THSD7A: variants seen among roughly 807,000 people sequenced by gnomAD.
THSD7A encodes thrombospondin type-1 domain-containing protein 7A.
A neutral mutation model predicts 231.3 loss-of-function variants in THSD7A; 96 were observed. The observed-to-expected ratio is 0.41, with a 90% CI of 0.35 to 0.49. The LOEUF is 0.49. THSD7A is among the 20% of genes least tolerant of loss of function. The pLI is 0.05. For missense variants in THSD7A, 2,290 were observed against 2,070.2 expected (o/e 1.11, Z -2.06); for synonymous variants, 940 against 743.3 (o/e 1.26, Z -4.30).
rs1361259619 is a variant in THSD7A at position 11,543,102 on chromosome 7, T to A, written c.1469A>T (p.Asp490Val). The change falls in exon 5 of 28, where the codon GAC (aspartate) becomes GTC (valine). Residue 490 changes from aspartate (D) to valine (V), a missense_variant. Transcript: ENST00000423059. ...GATAGGTCCAGTGCATAATTTTAAG[T>A]CCATTGGCTTTGAGGCTAGAGAAAA... is the stretch of plus-strand genomic sequence containing the variant. ...HKNKEASKPMDLKLCTGPIPN... is the reference protein window; with the variant it reads ...HKNKEASKPMVLKLCTGPIPN... 1 of 1,611,460 alleles carries A rather than the reference T, an allele frequency of 6.2e-7. No homozygotes were observed. Among genetic ancestry groups the A allele is most frequent in the Admixed American group, 1.7e-5 (1 of 59,606 alleles).
intron 4 of THSD7A, among the ~76,000 whole-genome samples, chr7:11,575,130 A>T (rs1790835366): frequency 6.6e-6 from 1 of 152,246 alleles, no homozygotes; most frequent in African/African-American, 2.4e-5. Context: ...AGTGTCTCAC[A>T]TATAGTAATC....
At chr7:11,408,517 T>A (rs1583685790) in intron 19 of THSD7A, among the ~76,000 whole-genome samples, 2 of 141,344 alleles carry the variant, frequency 1.4e-5, no homozygotes, top group African/African-American at 2.7e-5. Flanking sequence ...AAAAAAAAAA[T>A]GAAAAGAAAG....
chr7:11,536,828 T>C (rs1233245997), intron 6 of THSD7A, among the ~76,000 whole-genome samples: 1 of 150,282 alleles, frequency 6.7e-6, no homozygotes, highest in African/African-American at 2.5e-5. Context: ...ACTTCTCTTT[T>C]TCTATTCCTG....
At chr7:11,436,656 G>T (rs1215690345) in intron 13 of THSD7A, among the ~76,000 whole-genome samples, 1 of 151,142 alleles carries the variant, frequency 6.6e-6, no homozygotes, top group Non-Finnish European at 1.5e-5. Context: ...GAAACATTCG[G>T]AATTTAAGAT....
chr7:11,789,040 G>C (rs1783873596), intron 1 of THSD7A, among the ~76,000 whole-genome samples: 1 of 151,880 alleles, frequency 6.6e-6, no homozygotes, highest in South Asian at 2.1e-4. Flanking sequence ...GGATAAGAAG[G>C]CAATTAGATT....
At chr7:11,617,522 T>G (rs1781148337) in intron 2 of THSD7A, among the ~76,000 whole-genome samples, 1 of 152,230 alleles carries the variant, frequency 6.6e-6, no homozygotes, top group Admixed American at 6.5e-5. Flanking sequence ...AAATTTTAAC[T>G]ATATTACATG....
intron 18 of THSD7A, 140 bp downstream of exon 18, chr7:11,412,516 A>G: frequency 1.0e-6 from 1 of 989,394 alleles, no homozygotes; most frequent in Non-Finnish European, 1.4e-6. Flanking sequence ...CTGTCATTTA[A>G]TATGTAATTA....
intron 1 of THSD7A, among the ~76,000 whole-genome samples, chr7:11,654,724 T>C (rs2128370268): frequency 6.6e-6 from 1 of 152,060 alleles, no homozygotes; most frequent in East Asian, 1.9e-4. Context: ...AGACACATCA[T>C]TAGTCTTTTT....
intron 2 of THSD7A, among the ~76,000 whole-genome samples, chr7:11,606,480 T>A (rs553936098): frequency 2.0e-5 from 3 of 152,150 alleles, no homozygotes; most frequent in Non-Finnish European, 2.9e-5. Flanking sequence ...TGTGATAAGC[T>A]TGTATGACTT....
intron 11 of THSD7A, among the ~76,000 whole-genome samples, chr7:11,459,104 C>T (rs1299620887): frequency 1.3e-5 from 2 of 152,026 alleles, no homozygotes; most frequent in African/African-American, 4.8e-5. Context: ...ATCTGCTTTA[C>T]CTAATTTTAT....
chr7:11,375,722 C>T lies in THSD7A; in HGVS notation c.*72G>A. 8.2e-7 allele frequency: 1 copy of T among 1,218,168 alleles called. No individual in the cohort carries two copies. The highest frequency in any genetic ancestry group is 1.2e-6 in the Non-Finnish European group (1 of 833,944). The allele number at this position is 1,218,168 out of a possible 1,614,324, so 75.5% of individuals were successfully genotyped here. On this transcript the variant is annotated 3_prime_UTR_variant, in exon 28 of 28. Coordinates refer to ENST00000423059, the MANE Select transcript of THSD7A (RefSeq NM_015204.3). ...TATTTTAATCCACACAGTTTGGATA[C>T]ATTTGTTGTGGCCTCTGGACATCTA...
intron 9 of THSD7A, among the ~76,000 whole-genome samples, chr7:11,467,514 C>T (rs756536669): frequency 1.3e-5 from 2 of 152,058 alleles, no homozygotes; most frequent in Non-Finnish European, 2.9e-5. Flanking sequence ...TACATATATA[C>T]ACAAATAAGT....
chr7:11,489,597 A>C (rs1309578637), intron 6 of THSD7A, among the ~76,000 whole-genome samples: 4 of 152,046 alleles, frequency 2.6e-5, no homozygotes, highest in African/African-American at 9.7e-5. Flanking sequence ...TATAGGCATT[A>C]ATTGGCAAAC....
intron 2 of THSD7A, among the ~76,000 whole-genome samples, chr7:11,622,525 T>C (rs550788935): frequency 3.9e-5 from 6 of 152,180 alleles, no homozygotes; most frequent in Non-Finnish European, 8.8e-5. Context: ...CTGACTTTAA[T>C]CCAGGCCATC....
chr7:11,678,131 G>A (rs1238679761), intron 1 of THSD7A, among the ~76,000 whole-genome samples: 1 of 152,110 alleles, frequency 6.6e-6, no homozygotes, highest in Non-Finnish European at 1.5e-5. Flanking sequence ...AAATAAATAT[G>A]TTCTTTGAAA....
Position 11,377,977 on chromosome 7 carries a change from G to A in THSD7A, c.4801+1093C>T, listed in dbSNP as rs751451426. 5 of 151,918 alleles carry A rather than the reference G, an allele frequency of 3.3e-5. No individual in the cohort carries two copies. Among genetic ancestry groups the A allele is most frequent in the Admixed American group, 6.6e-5 (1 of 15,234 alleles). The allele number at this position is 151,918 out of a possible 1,614,324, so 9.4% of individuals were successfully genotyped here. A position where few individuals can be genotyped will look rare whatever the true frequency, so the allele number is the denominator to read the frequency against. On this transcript the variant is annotated intron_variant, in intron 26 of 27. Transcript: ENST00000423059. The surrounding 1 kb of genome is among the most constrained non-coding windows in gnomAD (Gnocchi z 4.5). ...CATTGTCTTAAACACTGAGGGAAGA[G>A]TTTCCCATGCTTACACAGATAAGTC...
At chr7:11,424,622 A>T in intron 16 of THSD7A, 74 bp downstream of exon 16, 1 of 1,580,300 alleles carries the variant, frequency 6.3e-7, no homozygotes, top group Non-Finnish European at 8.6e-7. Flanking sequence ...AGGAGTGAAC[A>T]GTCATGTTGG....
rs1231305556 is a variant in THSD7A, at chr7:11,481,707, T to C, written c.2017+81A>G. Reference sequence around the variant, plus strand: ...TCTGGTTGTTGACTTTCATAGAATATCATCTTTTCCAGGCTACACAAAAAA... The same window carrying C: ...TCTGGTTGTTGACTTTCATAGAATACCATCTTTTCCAGGCTACACAAAAAA... On this transcript the variant is annotated intron_variant, in intron 7 of 27. Transcript: ENST00000423059. 8.0e-6 allele frequency: 11 copies of C among 1,372,578 alleles called. No individual in the cohort carries two copies. The South Asian group carries it at 1.1e-4, about 14-fold the overall frequency. 85.0% of individuals were successfully genotyped at this position (1,372,578 alleles called of 1,614,324 possible).
intron 1 of THSD7A, among the ~76,000 whole-genome samples, chr7:11,802,678 T>C (rs17165218): frequency 0.089 from 13,592 of 152,228 alleles, 699 homozygotes; most frequent in African/African-American, 0.13. Flanking sequence ...AAAGTGAGGA[T>C]ATGGAAGTAA....
Sources: allele counts gnomAD v4.1 joint callset (sites outside exome capture counted in the v4.1 genomes callset), GRCh38; gene constraint gnomAD v4.1.1; non-coding constraint Gnocchi (gnomAD v3.1); transcripts MANE v1.5; gene names NCBI Gene and HGNC (gene_info 2026-07-23, HGNC 2026-07-21).